The following LMAN2L variants were observed in gnomAD, a reference collection of about 807,000 sequenced individuals.
LMAN2L encodes VIP36-like protein.
Under a neutral mutation model 44.3 loss-of-function variants are expected in LMAN2L, and 30 were observed. The observed-to-expected ratio is 0.68, with a 90% CI of 0.51 to 0.92. The LOEUF is 0.92. Among genes scored for constraint, LMAN2L ranks in the 40% least tolerant of loss-of-function variants. LMAN2L has a pLI of 0.00. For synonymous variants in LMAN2L, 183 were observed against 171.1 expected (o/e 1.07, Z -0.54); for missense variants, 429 against 446.1 (o/e 0.96, Z 0.35).
chr2:96,711,529 A>AGC, intron 6 of LMAN2L, 127 bp downstream of exon 6: 1 of 634,040 alleles, frequency 1.6e-6, no homozygotes, highest in Middle Eastern at 4.4e-4. Context: ...CAGAAGGAGA[A>AGC]GCAGTCTTGA....
chr2:96,733,148 G>A (rs974423937), intron 4 of LMAN2L, among the ~76,000 whole-genome samples: 2 of 152,198 alleles, frequency 1.3e-5, no homozygotes, highest in Non-Finnish European at 2.9e-5. Flanking sequence ...GCAGAAGAGA[G>A]CACAGCACTG....
intron 4 of LMAN2L, among the ~76,000 whole-genome samples, chr2:96,730,797 C>A (rs1393803113): frequency 6.6e-6 from 1 of 152,196 alleles, no homozygotes; most frequent in Non-Finnish European, 1.5e-5. Context: ...GCCTCAGCCT[C>A]CTGAGTAGCT....
rs1558944043 is a variant in LMAN2L at position 96,706,550 on chromosome 2, G to A, written c.*706C>T. On this transcript the variant is annotated 3_prime_UTR_variant, in exon 8 of 8. Coordinates refer to ENST00000264963, the MANE Select transcript of LMAN2L (RefSeq NM_030805.4). ...AAGAGACTTGATTGGGAAGGCCATG[G>A]ACATGCCAATAGACCCAAGACCCAT... The A allele has an allele frequency of 6.6e-6, 1 of 152,218 alleles. No individual in the cohort carries two copies. The highest frequency in any genetic ancestry group is 6.5e-5 in the Admixed American group (1 of 15,284). The allele number at this position is 152,218 out of a possible 1,614,324, so 9.4% of individuals were successfully genotyped here.
intron 2 of LMAN2L, among the ~76,000 whole-genome samples, chr2:96,737,734 A>G (rs1414238512): frequency 6.6e-6 from 1 of 152,240 alleles, no homozygotes; most frequent in African/African-American, 2.4e-5. Context: ...TCAGGAAAAA[A>G]AAATGAATTA....
chr2:96,707,918 G>T, intron 6 of LMAN2L, 85 bp from the exon 7 acceptor site: 2 of 1,381,898 alleles, frequency 1.4e-6, no homozygotes, highest in Non-Finnish European at 1.0e-6. Context: ...TCAAGCCTCT[G>T]ATCCACAGCT....
intron 4 of LMAN2L, among the ~76,000 whole-genome samples, chr2:96,732,658 A>T (rs1447318126): frequency 1.4e-5 from 2 of 144,318 alleles, no homozygotes; most frequent in Non-Finnish European, 3.1e-5. Context: ...AAAAAAAATT[A>T]AAAAAAAAAA....
intron 1 of LMAN2L, among the ~76,000 whole-genome samples, chr2:96,739,630 C>A (rs1303349467): frequency 6.6e-6 from 1 of 152,182 alleles, no homozygotes; most frequent in East Asian, 1.9e-4. Context: ...TGGCACCCGA[C>A]AGCCCTGCCT....
chr2:96,733,459 C>A (rs2078448075), intron 4 of LMAN2L, 60 bp downstream of exon 4: 1 of 1,277,006 alleles, frequency 7.8e-7, no homozygotes, highest in Non-Finnish European at 1.1e-6. Flanking sequence ...GTACAACATT[C>A]CTGAGGCAAA....
At chr2:96,738,623 C>T (rs2078566370) in intron 1 of LMAN2L, among the ~76,000 whole-genome samples, 1 of 152,126 alleles carries the variant, frequency 6.6e-6, no homozygotes, top group African/African-American at 2.4e-5. Flanking sequence ...CTGCATGAGC[C>T]ATGATTGTGC....
chr2:96,739,910 G>T lies in LMAN2L; in HGVS notation c.131C>A (p.Ala44Glu). ...TTTCAAGTACTCGAACGTTTGACCC[G>T]CCCCGACTTGCTGTGGCCCCTGCCC... The part of the protein sequence containing the change: ...GSGQGPQQVG[A>E]GQTFEYLKRE... The change falls in exon 1 of 8, where the codon GCG becomes GAG. Residue 44 changes from alanine (A) to glutamate (E), a missense_variant. By Grantham distance (107) the Ala-to-Glu change is moderately radical (BLOSUM62 -1). Coordinates refer to ENST00000264963, the MANE Select transcript of LMAN2L (RefSeq NM_030805.4). The T allele has an allele frequency of 6.2e-7, 1 of 1,613,960 alleles. No individual in the cohort carries two copies. Among genetic ancestry groups the T allele is most frequent in the Non-Finnish European group, 8.5e-7 (1 of 1,180,002 alleles).
chr2:96,736,582 T>C (rs550859978), intron 2 of LMAN2L, among the ~76,000 whole-genome samples: 12 of 152,294 alleles, frequency 7.9e-5, no homozygotes, highest in African/African-American at 2.9e-4. Flanking sequence ...TCAACAAACC[T>C]GTAGAAGTGT....
At chr2:96,713,370 G>A (rs2077969817) in intron 4 of LMAN2L, among the ~76,000 whole-genome samples, 1 of 152,162 alleles carries the variant, frequency 6.6e-6, no homozygotes, top group East Asian at 1.9e-4. Flanking sequence ...TTTTTCTGAG[G>A]AGAGGGTCTG....
intron 4 of LMAN2L, among the ~76,000 whole-genome samples, chr2:96,729,095 C>A (rs1460534847): frequency 6.6e-6 from 1 of 151,702 alleles, no homozygotes; most frequent in Non-Finnish European, 1.5e-5. Flanking sequence ...TGGCGTGAAC[C>A]CGGGAGGCGG....
At chr2:96,720,475 CTT>C (rs74265067) in intron 4 of LMAN2L, among the ~76,000 whole-genome samples, 11 of 142,086 alleles carry the variant, frequency 7.7e-5, no homozygotes, top group Non-Finnish European at 7.8e-5. Flanking sequence ...TTATCTTTAC[CTT>C]TTTTTTTTTT....
At chr2:96,737,223 A>G (rs2078535040) in intron 2 of LMAN2L, 1 of 444,152 alleles carries the variant, frequency 2.3e-6, no homozygotes. Flanking sequence ...TGCAGCTAGA[A>G]AAGGTCCAGA....
intron 4 of LMAN2L, among the ~76,000 whole-genome samples, chr2:96,723,778 G>A (rs2078209038): frequency 6.6e-6 from 1 of 152,114 alleles, no homozygotes; most frequent in Admixed American, 6.5e-5. Flanking sequence ...TTTCCCCATT[G>A]AATTATCTTG....
rs1369342926 is a variant in LMAN2L at position 96,714,828 on chromosome 2, AGAG to A, written c.508-2806_508-2804del. Among the ~76,000 whole-genome samples the A allele has an allele frequency of 3.9e-5, 6 of 152,350 alleles. No homozygotes were observed. In the East Asian group the frequency reaches 1.2e-3, roughly 29 times the overall value. ...GTGGACCCAGTTCCAGGTAACAGCC[AGAG>A]GCATGCTGGACCTTGGGAGCACCTG... On this transcript the variant is annotated intron_variant, in intron 4 of 7. Coordinates refer to ENST00000264963, the MANE Select transcript of LMAN2L (RefSeq NM_030805.4).
chr2:96,708,682 G>A (rs148462236), intron 6 of LMAN2L, among the ~76,000 whole-genome samples: 3 of 152,202 alleles, frequency 2.0e-5, no homozygotes, highest in African/African-American at 4.8e-5. Context: ...TCTCATGGCC[G>A]CTGTTTAATG....
At position 96,733,522 on chromosome 2, in the gene LMAN2L, T is replaced by C. The variant is rs1461283285; in HGVS notation, c.504A>G (p.Gln168=). ...VDTYPNEEKQ[Q]ERVFPYISAM... is the part of the protein sequence containing the mutation. ...AGGCTCTGACACTTGCCATTACCTCTTGCTGCTTCTCCTCATTGGGGTAGG... is the reference window on the plus strand; with the variant it reads ...AGGCTCTGACACTTGCCATTACCTCCTGCTGCTTCTCCTCATTGGGGTAGG... The change falls in exon 4 of 8, where the codon CAA becomes CAG. Residue 168 remains glutamine (Q), a synonymous_variant. Transcript: ENST00000264963. The C allele has an allele frequency of 6.2e-7, 1 of 1,613,320 alleles. No individual in the cohort carries two copies. Among genetic ancestry groups the C allele is most frequent in the East Asian group, 2.2e-5 (1 of 44,870 alleles).
Sources: gnomAD v4.1 joint callset for allele counts (sites outside exome capture counted in the v4.1 genomes callset) on GRCh38, gnomAD v4.1.1 for gene constraint, MANE v1.5 for transcripts, NCBI Gene and HGNC (gene_info 2026-07-23, HGNC 2026-07-21) for gene names.